The following CCNB3 variants were observed in gnomAD, a reference collection of about 807,000 sequenced individuals.
CCNB3 encodes cyclin B3, also known as G2/mitotic-specific cyclin-B3.
In CCNB3, 12 loss-of-function variants were observed where a neutral mutation model predicts 68.0. That is an observed-to-expected ratio of 0.18 (90% confidence interval 0.11 to 0.29). The LOEUF is 0.29. Among genes scored for constraint, CCNB3 ranks in the 10% least tolerant of loss-of-function variants. CCNB3 has a pLI of 1.00. For missense variants in CCNB3, 904 were observed against 993.1 expected (o/e 0.91, Z 1.21); for synonymous variants, 354 against 388.9 (o/e 0.91, Z 1.06).
chrX:50,349,413 G>A (rs536713923), intron 11 of CCNB3, among the ~76,000 whole-genome samples: 1 of 112,214 alleles, frequency 8.9e-6, no homozygotes, highest in Non-Finnish European at 1.9e-5. Context: ...GGCATTGAAG[G>A]GTTTTTAGGC....
chrX:50,344,527 G>A (rs1351680873), intron 9 of CCNB3, among the ~76,000 whole-genome samples: 1 of 112,018 alleles, frequency 8.9e-6, no homozygotes, highest in Non-Finnish European at 1.9e-5. Context: ...TTTTCTGTCT[G>A]AAGATGTATT....
At chrX:50,335,614 A>C (rs1385704391) in intron 8 of CCNB3, among the ~76,000 whole-genome samples, 1 of 111,833 alleles carries the variant, frequency 8.9e-6, no homozygotes, top group Non-Finnish European at 1.9e-5. Flanking sequence ...CTTAACTTCT[A>C]TGAGTACAGG....
chrX:50,203,223 C>A (rs1364935805), upstream of CCNB3, among the ~76,000 whole-genome samples: 3 of 111,662 alleles, frequency 2.7e-5, no homozygotes, highest in Non-Finnish European at 5.6e-5. Flanking sequence ...AATACACTCT[C>A]GGTTTGCATT....
chrX:50,345,007 A>G (rs1019980822), intron 9 of CCNB3, among the ~76,000 whole-genome samples: 3 of 108,624 alleles, frequency 2.8e-5, no homozygotes. Context: ...CTCCCTCCCC[A>G]GCTCCTGCCT....
intron 1 of CCNB3, among the ~76,000 whole-genome samples, chrX:50,228,059 G>A (rs1188284107): frequency 2.9e-5 from 2 of 69,266 alleles, no homozygotes; most frequent in African/African-American, 5.7e-5. Flanking sequence ...ATAAATATAT[G>A]GAGAGAATAT....
At chrX:50,323,883 G>T (rs1205072495) in intron 8 of CCNB3, among the ~76,000 whole-genome samples, 1 of 112,323 alleles carries the variant, frequency 8.9e-6, no homozygotes, top group Admixed American at 9.4e-5. Flanking sequence ...TTTCCTTGAA[G>T]AACTTGTCCA....
At chrX:50,295,553 C>T (rs1359640352) in intron 5 of CCNB3, among the ~76,000 whole-genome samples, 3 of 111,454 alleles carry the variant, frequency 2.7e-5, no homozygotes, top group South Asian at 7.6e-4. Flanking sequence ...CTCCTCATTC[C>T]GGTGGGAATT....
intron 1 of CCNB3, among the ~76,000 whole-genome samples, chrX:50,279,405 GAAATATAT>G (rs1375262942): frequency 0.041 from 3,013 of 72,857 alleles, 78 homozygotes; most frequent in Non-Finnish European, 0.061. Flanking sequence ...TATTCATATA[GAAATATAT>G]AAATATATAA....
chrX:50,301,288 A>G (rs1936625863), intron 5 of CCNB3, among the ~76,000 whole-genome samples: 1 of 110,479 alleles, frequency 9.1e-6, no homozygotes, highest in Admixed American at 9.7e-5. Context: ...GTCTTTGGTG[A>G]TGGTGATGTA....
At position 50,336,993 on chromosome X, in the gene CCNB3, A is replaced by G. The variant is rs59156531; in HGVS notation, c.3517-5209A>G. Among the ~76,000 whole-genome samples the G allele has an allele frequency of 3.8e-3, 423 of 111,511 alleles. 1 individual carries two copies. Among genetic ancestry groups the G allele is most frequent in the African/African-American group, 0.013 (390 of 30,667 alleles). ...ATTAAAGCTTGAGGCTTTTCGGTGT[A>G]AGTTGGAGTATTATTTTTCCAATTG... On this transcript the variant is annotated intron_variant, in intron 8 of 12. Coordinates refer to ENST00000376042, the MANE Select transcript of CCNB3 (RefSeq NM_033031.3).
At chrX:50,313,231 T>C (rs781982774) in intron 7 of CCNB3, among the ~76,000 whole-genome samples, 3 of 111,393 alleles carry the variant, frequency 2.7e-5, no homozygotes, top group African/African-American at 9.7e-5. Flanking sequence ...GCAGAATTTT[T>C]AGCAGGTCAT....
chrX:50,308,472 A>G, intron 5 of CCNB3, 33 bp from the exon 6 acceptor site: 2 of 1,003,934 alleles, frequency 2.0e-6, no homozygotes, highest in Non-Finnish European at 2.7e-6. Flanking sequence ...TAGGAACTAC[A>G]TTTTTCTTAC....
At chrX:50,347,832 C>T in intron 11 of CCNB3, 57 bp downstream of exon 11, 6 of 1,114,083 alleles carry the variant, frequency 5.4e-6, no homozygotes, top group Non-Finnish European at 7.3e-6. Flanking sequence ...AGAAGGTCAG[C>T]TCATGGGGAA....
rs781952762 is a variant in CCNB3, at chrX:50,294,785, C to T, written c.205-78C>T. 2.9e-5 allele frequency: 32 copies of T among 1,106,160 alleles called. No homozygotes were observed. In the East Asian group the frequency reaches 9.1e-4, roughly 31 times the overall value. 91.2% of individuals were successfully genotyped at this position (1,106,160 alleles called of 1,213,427 possible). A position where few individuals can be genotyped will look rare whatever the true frequency, so the allele number is the denominator to read the frequency against. The stretch of plus-strand genomic sequence containing the variant: ...GTCAGGACTTTCCTATGAGAGCCAC[C>T]TTTTAGGTAATTTGTGGTTTTCTTC... On this transcript the variant is annotated intron_variant, in intron 4 of 12. Transcript: ENST00000376042.
chrX:50,215,287 C>T (rs1190473986), intron 1 of CCNB3, among the ~76,000 whole-genome samples: 1 of 111,500 alleles, frequency 9.0e-6, no homozygotes, highest in Non-Finnish European at 1.9e-5. Flanking sequence ...CCACGCCTGG[C>T]CCTGTTGTTC....
chrX:50,227,736 TATAA>T (rs1228512967), intron 1 of CCNB3, among the ~76,000 whole-genome samples: 9 of 81,355 alleles, frequency 1.1e-4, no homozygotes, highest in Non-Finnish European at 1.8e-4. Context: ...AGATAATATA[TATAA>T]ATATGTATAG....
intron 10 of CCNB3, among the ~76,000 whole-genome samples, 178 bp from the exon 11 acceptor site, chrX:50,347,448 C>T (rs1487254063): frequency 3.7e-5 from 4 of 109,077 alleles, no homozygotes; most frequent in African/African-American, 1.3e-4. Flanking sequence ...CAGAATCCCC[C>T]CTAAAGAGTC....
At chrX:50,205,376 A>T (rs782274196) in intron 1 of CCNB3, among the ~76,000 whole-genome samples, 62 of 111,887 alleles carry the variant, frequency 5.5e-4, no homozygotes, top group Non-Finnish European at 1.1e-3. Context: ...TGGGAGGCAG[A>T]GTTGCAGTGA....
intron 1 of CCNB3, among the ~76,000 whole-genome samples, chrX:50,280,283 G>A (rs902343255): frequency 1.0e-4 from 8 of 80,160 alleles, no homozygotes; most frequent in African/African-American, 3.6e-4. Context: ...ATAAATATAT[G>A]TATAGAATAT....
Sources: gnomAD v4.1 joint callset for allele counts (sites outside exome capture counted in the v4.1 genomes callset) on GRCh38, gnomAD v4.1.1 for gene constraint, MANE v1.5 for transcripts, NCBI Gene and HGNC (gene_info 2026-07-23, HGNC 2026-07-21) for gene names.